The following PLAT variants were observed in gnomAD, a reference collection of about 807,000 sequenced individuals.
The protein encoded by PLAT is tissue-type plasminogen activator.
A neutral mutation model predicts 74.9 loss-of-function variants in PLAT; 48 were observed. That is an observed-to-expected ratio of 0.64 (90% confidence interval 0.51 to 0.82). The LOEUF is 0.82. PLAT is among the 40% of genes least tolerant of loss of function. PLAT has a pLI of 0.00. For missense variants in PLAT, 673 were observed against 736.2 expected (o/e 0.91, Z 0.99); for synonymous variants, 307 against 294.4 (o/e 1.04, Z -0.44).
intron 1 of PLAT, among the ~76,000 whole-genome samples, chr8:42,204,291 G>A (rs1254256551): frequency 4.0e-5 from 6 of 151,860 alleles, no homozygotes; most frequent in Admixed American, 6.6e-5. Context: ...ATTTTCTCCC[G>A]TATATACAAA....
chr8:42,182,687 A>C, intron 8 of PLAT, 32 bp downstream of exon 8: 1 of 1,547,224 alleles, frequency 6.5e-7, no homozygotes, highest in Non-Finnish European at 8.8e-7. Flanking sequence ...CGTTCTGCCA[A>C]GACCTGAACC....
chr8:42,202,565 A>G (rs933918728), intron 1 of PLAT, among the ~76,000 whole-genome samples: 31 of 152,136 alleles, frequency 2.0e-4, no homozygotes, highest in African/African-American at 6.7e-4. Flanking sequence ...TTCACAGACA[A>G]TGATCTACCC....
intron 1 of PLAT, among the ~76,000 whole-genome samples, chr8:42,194,231 AGAGAGAGAGAGT>A (rs1420427334): frequency 1.2e-4 from 8 of 68,460 alleles, no homozygotes; most frequent in African/African-American, 3.0e-4. Context: ...AGAGAGAGAG[AGAGAGAGAGAGT>A]GTGTGTGTGT....
chr8:42,188,995 G>A lies in PLAT; in HGVS notation c.192C>T (p.Asn64=), dbSNP rs1031593582. The A allele has an allele frequency of 6.2e-7, 1 of 1,613,966 alleles. No individual in the cohort carries two copies. Among genetic ancestry groups the A allele is most frequent in the Admixed American group, 1.7e-5 (1 of 60,024 alleles). Residue 64 remains asparagine, a synonymous_variant, in exon 4 of 14, where the codon AAC becomes AAT. Coordinates refer to ENST00000220809, the MANE Select transcript of PLAT (RefSeq NM_000930.5). ...QSWLRPVLRS[N]RVEYCWCNSG... ...TGTTGCACCAGCAATATTCCACCCG[G>A]TTGCTTCTGAGCACAGGGCGCAGCC... is the stretch of plus-strand genomic sequence containing the variant.
intron 10 of PLAT, 53 bp from the exon 11 acceptor site, chr8:42,180,431 AG>A (rs1357000435): frequency 1.9e-6 from 3 of 1,613,844 alleles, no homozygotes; most frequent in Non-Finnish European, 2.5e-6. Context: ...TTTCCCCTAA[AG>A]GGCTTGGTTT....
chr8:42,202,848 A>G (rs1484539120), intron 1 of PLAT, among the ~76,000 whole-genome samples: 3 of 152,168 alleles, frequency 2.0e-5, no homozygotes, highest in African/African-American at 7.2e-5. Context: ...TGCATAACAC[A>G]GAAGCTGTTC....
intron 1 of PLAT, among the ~76,000 whole-genome samples, chr8:42,200,635 C>T (rs903400751): frequency 6.8e-6 from 1 of 146,438 alleles, no homozygotes; most frequent in Non-Finnish European, 1.5e-5. Context: ...TGTGATCATA[C>T]CACTGCACTC....
chr8:42,206,393 T>C (rs1225745101), intron 1 of PLAT, among the ~76,000 whole-genome samples: 1 of 152,212 alleles, frequency 6.6e-6, no homozygotes, highest in Non-Finnish European at 1.5e-5. Flanking sequence ...CTGACCGTCA[T>C]GGATTGAGTC....
chr8:42,184,785 T>A, intron 7 of PLAT: 1 of 197,680 alleles, frequency 5.1e-6, no homozygotes, highest in Non-Finnish European at 9.8e-6. Context: ...AAAGGGAGAA[T>A]CTCCATTCAT....
intron 12 of PLAT, 26 bp downstream of exon 12, chr8:42,179,900 T>C (rs777871092): frequency 1.3e-6 from 2 of 1,553,094 alleles, no homozygotes; most frequent in Admixed American, 3.7e-5. Flanking sequence ...GCAGACAGGA[T>C]GGGGCCGAGA....
In PLAT at chr8:42,175,919, C is replaced by T; in HGVS notation, c.*74G>A. 6.8e-7 allele frequency: 1 copy of T among 1,478,602 alleles called. No individual in the cohort carries two copies. Among genetic ancestry groups the T allele is most frequent in the Non-Finnish European group, 9.4e-7 (1 of 1,067,408 alleles). The allele number at this position is 1,478,602 out of a possible 1,614,324, so 91.6% of individuals were successfully genotyped here. ...GTCTGGAGAAGTCTGTAGAGAAGCA[C>T]TGCGCCTTTGCAGTGTCTTCTGAAG... On this transcript the variant is annotated 3_prime_UTR_variant, in exon 14 of 14. Transcript: ENST00000220809.
chr8:42,195,459 A>G (rs1805871326), intron 1 of PLAT, among the ~76,000 whole-genome samples: 1 of 152,100 alleles, frequency 6.6e-6, no homozygotes, highest in African/African-American at 2.4e-5. Context: ...CAGAAGTGCC[A>G]TCTCCAGCCT....
Position 42,191,215 on chromosome 8 carries a change from C to G in PLAT, c.115+157G>C, listed in dbSNP as rs11994600. Among the ~76,000 whole-genome samples, 21 of 152,294 alleles carry G rather than the reference C, an allele frequency of 1.4e-4. No homozygotes were observed. In the South Asian group the frequency reaches 3.7e-3, roughly 27 times the overall value. On this transcript the variant is annotated intron_variant, in intron 3 of 13. Coordinates refer to ENST00000220809, the MANE Select transcript of PLAT (RefSeq NM_000930.5). ...GCCGCAGCTGATGGGAGAATGGTGC[C>G]GACACAGGCATCTCTGTAGAATCAT...
At chr8:42,206,695 C>G (rs1806352210) in intron 1 of PLAT, 1 of 152,238 alleles carries the variant, frequency 6.6e-6, no homozygotes, top group African/African-American at 2.4e-5. Flanking sequence ...TCCTCTCTCC[C>G]TCCCTGTGAG....
At chr8:42,199,022 T>C (rs1806025624) in intron 1 of PLAT, among the ~76,000 whole-genome samples, 2 of 152,084 alleles carry the variant, frequency 1.3e-5, no homozygotes, top group Non-Finnish European at 2.9e-5. Flanking sequence ...TTGGAAAGGG[T>C]GGCGTGCTCC....
In PLAT at chr8:42,187,573, C is replaced by G; in HGVS notation, c.365-1G>C. On this transcript the variant is annotated splice_acceptor_variant, in intron 5 of 13. Transcript: ENST00000220809. LOFTEE classifies it high-confidence loss of function. ...TCCTCGTAGCACGTGGCCCTGGTAT[C>G]TGACAGAGAGCAGGGCATGGATGCC... 1 of 1,590,288 alleles carries G rather than the reference C, an allele frequency of 6.3e-7. No individual in the cohort carries two copies. The highest frequency in any genetic ancestry group is 2.3e-5 in the East Asian group (1 of 44,406).
In PLAT at chr8:42,185,062, C is replaced by T. The variant is rs377614660; in HGVS notation, c.631+19G>A. The T allele has an allele frequency of 8.6e-4, 1,332 of 1,542,966 alleles. 20 individuals are homozygous for T. The South Asian group carries it at 0.013, about 15-fold the overall frequency. ...TCCCCCAGGGACATTCAGGGAAAGG[C>T]GGGGTGGCTGCCACTTACCCTCAGA... On this transcript the variant is annotated intron_variant, in intron 7 of 13. Transcript: ENST00000220809.
Position 42,180,627 on chromosome 8 carries a change from G to A in PLAT, c.948C>T (p.Phe316=), listed in dbSNP as rs116608290. The A allele has an allele frequency of 3.1e-5, 50 of 1,611,300 alleles. No individual in the cohort carries two copies. In the East Asian group the frequency reaches 4.5e-4, roughly 14 times the overall value. Residue 316 remains phenylalanine, a synonymous_variant, in exon 10 of 14, where the codon TTC becomes TTT. Coordinates refer to ENST00000220809, the MANE Select transcript of PLAT (RefSeq NM_000930.5). Reference sequence around the variant, plus strand: ...GCCAGGGGTGGGAGGCGATGTCGGCGAAGAGCCCTCCTTTGATGCGAAACT... The same window carrying A: ...GCCAGGGGTGGGAGGCGATGTCGGCAAAGAGCCCTCCTTTGATGCGAAACT... ...QPQFRIKGGL[F]ADIASHPWQA...
intron 1 of PLAT, among the ~76,000 whole-genome samples, chr8:42,201,810 C>G (rs1587946179): frequency 6.6e-6 from 1 of 152,104 alleles, no homozygotes; most frequent in Non-Finnish European, 1.5e-5. Flanking sequence ...CCCATCTGAC[C>G]AAGCCACACT....
Sources: allele counts gnomAD v4.1 joint callset (sites outside exome capture counted in the v4.1 genomes callset), GRCh38; gene constraint gnomAD v4.1.1; transcripts MANE v1.5; gene names NCBI Gene and HGNC (gene_info 2026-07-23, HGNC 2026-07-21).